Variants in FLYWCH2 observed in about 807,000 individuals in gnomAD.
The protein encoded by FLYWCH2 is FLYWCH family member 2.
Under a neutral mutation model 6.0 loss-of-function variants are expected in FLYWCH2, and 2 were observed. The ratio of observed to expected loss-of-function variants is 0.33; its 90% confidence interval spans 0.14 to 1.04. FLYWCH2 has a LOEUF of 1.04. Among genes scored for constraint, FLYWCH2 ranks in the 50% least tolerant of loss-of-function variants. The pLI is 0.45. For missense variants in FLYWCH2, 192 were observed against 183.4 expected, an observed-to-expected ratio of 1.05 and a Z score of -0.27; for synonymous variants, 87 against 79.3, an observed-to-expected ratio of 1.10 and a Z score of -0.52.
intron 1 of FLYWCH2, among the ~76,000 whole-genome samples, chr16:2,893,934 G>A (rs1365957971): frequency 1.3e-5 from 2 of 152,100 alleles, no homozygotes; most frequent in African/African-American, 4.8e-5. Flanking sequence ...CACCGCGCCC[G>A]GCCCCTTTGG....
At chr16:2,897,102 C>T (rs971320645) in intron 3 of FLYWCH2, among the ~76,000 whole-genome samples, 7 of 152,290 alleles carry the variant, frequency 4.6e-5, no homozygotes, top group Admixed American at 1.3e-4. Flanking sequence ...CGCAGCTGTT[C>T]GATGAGGGTC....
chr16:2,890,569 C>G (rs1470425641), intron 1 of FLYWCH2, among the ~76,000 whole-genome samples: 1 of 150,842 alleles, frequency 6.6e-6, no homozygotes, highest in Non-Finnish European at 1.5e-5. Context: ...CGCCTGCCAC[C>G]ACGCCCGGCC....
intron 2 of FLYWCH2, among the ~76,000 whole-genome samples, chr16:2,896,062 A>G (rs1211425781): frequency 1.3e-5 from 2 of 152,204 alleles, no homozygotes; most frequent in Admixed American, 6.5e-5. Context: ...TGGGAGGCCC[A>G]TTGGTAGTGG....
intron 1 of FLYWCH2, among the ~76,000 whole-genome samples, chr16:2,885,079 T>C (rs776947146): frequency 7.9e-5 from 12 of 152,110 alleles, no homozygotes; most frequent in Non-Finnish European, 1.5e-4. Flanking sequence ...TCCCAGCACT[T>C]TGGGAGGCCA....
Position 2,886,090 on chromosome 16 carries a change from T to C in FLYWCH2, c.-200+2724T>C, listed in dbSNP as rs115067938. Reference sequence around the variant, plus strand: ...TGATTTGCATTTCCCTGGTGACTAATGATGTTGAGCATCTTCTCATATATT... The same window carrying C: ...TGATTTGCATTTCCCTGGTGACTAACGATGTTGAGCATCTTCTCATATATT... On this transcript the variant is annotated intron_variant, in intron 1 of 3. Coordinates refer to ENST00000396958, the MANE Select transcript of FLYWCH2 (RefSeq NM_138439.3). 4.2e-3 allele frequency among the ~76,000 whole-genome samples: 643 copies of C among 152,336 alleles called. 3 individuals carry two copies. Among genetic ancestry groups the C allele is most frequent in the African/African-American group, 0.015 (620 of 41,574 alleles).
intron 1 of FLYWCH2, among the ~76,000 whole-genome samples, chr16:2,893,774 A>C (rs113932691): frequency 0.026 from 3,911 of 150,770 alleles, 164 homozygotes; most frequent in African/African-American, 0.089. Context: ...AGTAGCTGGG[A>C]TTACGGGCGC....
At position 2,899,039 on chromosome 16, in the gene FLYWCH2, T is replaced by C. The variant is rs201846710; in HGVS notation, c.323-10T>C. 6.8e-6 allele frequency: 11 copies of C among 1,607,094 alleles called. No individual in the cohort carries two copies. Among genetic ancestry groups the C allele is most frequent in the Non-Finnish European group, 9.3e-6 (11 of 1,176,790 alleles). ...TTGACACCAGCCTGATCCACCCTCT[T>C]CTCTCGCAGGCACAGACAGAACAGA... On this transcript the variant is annotated splice_polypyrimidine_tract_variant and intron_variant, in intron 3 of 3. Coordinates refer to ENST00000396958, the MANE Select transcript of FLYWCH2 (RefSeq NM_138439.3).
intron 3 of FLYWCH2, chr16:2,898,824 G>T: frequency 4.5e-6 from 2 of 446,744 alleles, no homozygotes; most frequent in Non-Finnish European, 7.9e-6. Context: ...GCACAAACTT[G>T]GCCTCAAGTT....
At chr16:2,892,938 T>C (rs1409015004) in intron 1 of FLYWCH2, among the ~76,000 whole-genome samples, 1 of 143,252 alleles carries the variant, frequency 7.0e-6, no homozygotes, top group Non-Finnish European at 1.5e-5. Context: ...ATATATACCA[T>C]ATATGTTGTA....
At chr16:2,897,051 G>A (rs1449103279) in intron 3 of FLYWCH2, among the ~76,000 whole-genome samples, 2 of 152,210 alleles carry the variant, frequency 1.3e-5, no homozygotes, top group Non-Finnish European at 2.9e-5. Flanking sequence ...AGGGTGCGGC[G>A]GGGCCCACAG....
intron 1 of FLYWCH2, among the ~76,000 whole-genome samples, chr16:2,886,186 TA>T (rs770146640): frequency 3.3e-4 from 50 of 151,962 alleles, no homozygotes; most frequent in African/African-American, 9.4e-4. Context: ...TTATTGTTAT[TA>T]TTTTTTTTTT....
At chr16:2,892,885 A>G (rs2069773611) in intron 1 of FLYWCH2, among the ~76,000 whole-genome samples, 1 of 61,740 alleles carries the variant, frequency 1.6e-5, no homozygotes, top group Non-Finnish European at 4.0e-5. Context: ...TATATATAAT[A>G]TATAATGTAT....
At chr16:2,890,816 C>T (rs560344519) in intron 1 of FLYWCH2, among the ~76,000 whole-genome samples, 1 of 152,252 alleles carries the variant, frequency 6.6e-6, no homozygotes, top group South Asian at 2.1e-4. Flanking sequence ...ATCCACCCAC[C>T]TCAACCCCCC....
At chr16:2,898,622 C>T (rs548328142) in intron 3 of FLYWCH2, 107 of 162,778 alleles carry the variant, frequency 6.6e-4, no homozygotes, top group Non-Finnish European at 1.1e-3. Flanking sequence ...GGCCTGGGGC[C>T]GTGGTGCCTT....
chr16:2,887,462 T>C (rs1001752599), intron 1 of FLYWCH2, among the ~76,000 whole-genome samples: 1 of 151,628 alleles, frequency 6.6e-6, no homozygotes, highest in African/African-American at 2.4e-5. Flanking sequence ...TGCCTAGCCA[T>C]ATAATTTATT....
At chr16:2,890,774 C>G (rs147347687) in intron 1 of FLYWCH2, among the ~76,000 whole-genome samples, 1 of 152,136 alleles carries the variant, frequency 6.6e-6, no homozygotes, top group Non-Finnish European at 1.5e-5. Context: ...GCCATGTTAG[C>G]CAGGCTGATC....
intron 1 of FLYWCH2, among the ~76,000 whole-genome samples, chr16:2,892,712 C>T (rs1157067427): frequency 2.0e-5 from 3 of 151,154 alleles, no homozygotes; most frequent in East Asian, 1.9e-4. Context: ...AGCATGGTGG[C>T]GTGTGCCTGT....
chr16:2,883,283 G>A lies in FLYWCH2; in HGVS notation c.-283G>A, dbSNP rs950183533. 1 of 152,290 alleles carries A rather than the reference G, an allele frequency of 6.6e-6. No homozygotes were observed. Among genetic ancestry groups the A allele is most frequent in the Non-Finnish European group, 1.5e-5 (1 of 68,070 alleles). The allele number at this position is 152,290 out of a possible 1,614,324, so 9.4% of individuals were successfully genotyped here. On this transcript the variant is annotated 5_prime_UTR_variant, in exon 1 of 4. Transcript: ENST00000396958. Reference sequence around the variant, plus strand: ...TGACCCCGGCTTGAGGTAACAGCGCGAGCTGAGGCTGGGGCCCTTGGCGCG... The same window carrying A: ...TGACCCCGGCTTGAGGTAACAGCGCAAGCTGAGGCTGGGGCCCTTGGCGCG...
chr16:2,893,628 T>TTTC (rs1201260398), intron 1 of FLYWCH2, among the ~76,000 whole-genome samples: 8 of 141,576 alleles, frequency 5.7e-5, no homozygotes, highest in Admixed American at 7.2e-5. Flanking sequence ...GCCCTTTTCT[T>TTTC]TTCTTCTTTT....
Sources: gnomAD v4.1 joint callset for allele counts (sites outside exome capture counted in the v4.1 genomes callset) on GRCh38, gnomAD v4.1.1 for gene constraint, MANE v1.5 for transcripts, NCBI Gene and HGNC (gene_info 2026-07-23, HGNC 2026-07-21) for gene names.